REEP1: variants seen among roughly 807,000 people sequenced by gnomAD.
REEP1 encodes the protein receptor expression-enhancing protein 1.
In REEP1, 22 loss-of-function variants were observed where a neutral mutation model predicts 40.3. The ratio of observed to expected loss-of-function variants is 0.55; its 90% CI spans 0.39 to 0.78. The LOEUF (loss-of-function observed/expected upper bound fraction) is 0.78. Among genes scored for constraint, REEP1 ranks in the 30% least tolerant of loss-of-function variants. The pLI is 0.00. For synonymous variants in REEP1, 116 were observed against 139.2 expected, an observed-to-expected ratio of 0.83 and a Z score of 1.17; for missense variants, 280 against 361.1, an observed-to-expected ratio of 0.78 and a Z score of 1.82.
chr2:86,293,667 C>G (rs370153602), intron 1 of REEP1, among the ~76,000 whole-genome samples: 23 of 152,318 alleles, frequency 1.5e-4, no homozygotes, highest in African/African-American at 5.5e-4. Flanking sequence ...TCAGGTTTTT[C>G]CAGCCCCCTC....
In REEP1 at chr2:86,318,697, C is replaced by T. The variant is rs147235172; in HGVS notation, c.32+18782G>A. On this transcript the variant is annotated intron_variant, in intron 1 of 8. Coordinates refer to ENST00000538924, the MANE Select transcript of REEP1 (RefSeq NM_001371279.1). ...ACAGGCGTGAGCCACTGCACCCGGC[C>T]GAGACCAACAAGTTTGAGAACCACT... Among the ~76,000 whole-genome samples the T allele has an allele frequency of 3.4e-3, 519 of 152,194 alleles. 4 individuals are homozygous for T. Among genetic ancestry groups the T allele is most frequent in the Non-Finnish European group, 4.1e-3 (281 of 68,010 alleles).
intron 3 of REEP1, among the ~76,000 whole-genome samples, chr2:86,262,139 G>A (rs1457696354): frequency 2.0e-5 from 3 of 152,174 alleles, no homozygotes; most frequent in Admixed American, 1.3e-4. Flanking sequence ...TCCATATGCC[G>A]AACGCTGGTT....
chr2:86,332,264 C>A (rs538291111), intron 1 of REEP1, among the ~76,000 whole-genome samples: 1 of 152,124 alleles, frequency 6.6e-6, no homozygotes, highest in Non-Finnish European at 1.5e-5. Context: ...GTGCACCCCC[C>A]TCTCCTTACT....
Position 86,225,563 on chromosome 2 carries a change from G to A in REEP1, c.631+1800C>T, listed in dbSNP as rs184677821. Reference sequence around the variant, plus strand: ...TGGGATTACAGGTGTGAGCCACTGCGCCTGTCCTAATCCCCAGCTCTTCTA... The same window carrying A: ...TGGGATTACAGGTGTGAGCCACTGCACCTGTCCTAATCCCCAGCTCTTCTA... On this transcript the variant is annotated intron_variant, in intron 7 of 8. Transcript: ENST00000538924. Among the ~76,000 whole-genome samples the A allele has an allele frequency of 2.6e-3, 392 of 152,082 alleles. 1 individual carries two copies. Among genetic ancestry groups the A allele is most frequent in the Admixed American group, 3.9e-3 (59 of 15,302 alleles).
chr2:86,292,900 C>T (rs547849899), intron 1 of REEP1, among the ~76,000 whole-genome samples: 13 of 152,166 alleles, frequency 8.5e-5, no homozygotes, highest in African/African-American at 2.6e-4. Flanking sequence ...GTGCATGTGT[C>T]GGTCTGGCAG....
intron 3 of REEP1, among the ~76,000 whole-genome samples, chr2:86,261,147 A>T (rs536663698): frequency 6.6e-6 from 1 of 152,290 alleles, no homozygotes; most frequent in East Asian, 1.9e-4. Context: ...TCATGAGACT[A>T]ACACGGGAGG....
chr2:86,323,519 G>C (rs940398950), intron 1 of REEP1, among the ~76,000 whole-genome samples: 3 of 152,180 alleles, frequency 2.0e-5, no homozygotes, highest in African/African-American at 7.2e-5. Flanking sequence ...ATGGGAGCAC[G>C]AATCCTATTG....
chr2:86,229,217 C>T (rs1674880778), intron 6 of REEP1, among the ~76,000 whole-genome samples: 2 of 152,220 alleles, frequency 1.3e-5, no homozygotes, highest in East Asian at 3.8e-4. Context: ...GTCCTCTGTG[C>T]CAAGGCCAAA....
chr2:86,266,659 TA>T (rs1011209901), intron 2 of REEP1, among the ~76,000 whole-genome samples: 1,497 of 149,180 alleles, frequency 0.01, 16 homozygotes, highest in African/African-American at 0.033. Context: ...ATAAAAAAAA[TA>T]AAATAAATAA....
At chr2:86,238,530 A>T (rs1261818929) in intron 5 of REEP1, among the ~76,000 whole-genome samples, 3 of 152,222 alleles carry the variant, frequency 2.0e-5, no homozygotes, top group African/African-American at 7.2e-5. Flanking sequence ...GCATGAATGA[A>T]CGTATGACCA....
chr2:86,231,802 C>A (rs1292194959), intron 6 of REEP1, among the ~76,000 whole-genome samples: 3 of 152,192 alleles, frequency 2.0e-5, no homozygotes, highest in Admixed American at 1.3e-4. Context: ...ACTGTGTGCC[C>A]CCACCCTCCA....
At chr2:86,232,534 G>A (rs1675077842) in intron 6 of REEP1, 91 bp downstream of exon 6, 1 of 1,475,396 alleles carries the variant, frequency 6.8e-7, no homozygotes, top group Non-Finnish European at 9.3e-7. Flanking sequence ...TGGGGCCAGG[G>A]CCAGGCTGCA....
chr2:86,275,356 T>C (rs1677699895), intron 2 of REEP1, among the ~76,000 whole-genome samples: 1 of 152,232 alleles, frequency 6.6e-6, no homozygotes, highest in African/African-American at 2.4e-5. Flanking sequence ...TCTTATTTTC[T>C]ATATTCTTGA....
chr2:86,268,294 C>A (rs1394109137), intron 2 of REEP1, among the ~76,000 whole-genome samples: 1 of 152,142 alleles, frequency 6.6e-6, no homozygotes. Flanking sequence ...ATGATTAGAG[C>A]AAGGTTGCAG....
At chr2:86,323,203 C>G (rs188390373) in intron 1 of REEP1, among the ~76,000 whole-genome samples, 73 of 152,222 alleles carry the variant, frequency 4.8e-4, no homozygotes, top group African/African-American at 1.7e-3. Flanking sequence ...ACTCTGTCTC[C>G]AAAAATTAAA....
chr2:86,290,254 C>T (rs1028597225), intron 1 of REEP1, among the ~76,000 whole-genome samples: 1 of 152,070 alleles, frequency 6.6e-6, no homozygotes, highest in Admixed American at 6.6e-5. Context: ...GGGAGAAAAA[C>T]CAGATAAGTC....
At chr2:86,304,147 A>G (rs1221151678) in intron 1 of REEP1, among the ~76,000 whole-genome samples, 3 of 152,128 alleles carry the variant, frequency 2.0e-5, no homozygotes, top group African/African-American at 7.2e-5. Context: ...GATCCCCTCT[A>G]AGGAAGGTGG....
intron 1 of REEP1, among the ~76,000 whole-genome samples, chr2:86,286,513 G>A (rs535741583): frequency 6.6e-6 from 1 of 152,024 alleles, no homozygotes; most frequent in Admixed American, 6.6e-5. Flanking sequence ...GACCATCAAG[G>A]GTCATTTTTT....
rs1450424579 is a variant in REEP1, at chr2:86,254,827, A to T, written c.183-13T>A. On this transcript the variant is annotated splice_polypyrimidine_tract_variant and intron_variant, in intron 3 of 8. Transcript: ENST00000538924. ...ATAGAATGGAAACCTGGAGAGAGAG[A>T]TGAAAACACAAGTTCTGTTAGGTTC... 6 of 1,613,678 alleles carry T rather than the reference A, an allele frequency of 3.7e-6. No homozygotes were observed. The highest frequency in any genetic ancestry group is 2.2e-5 in the East Asian group (1 of 44,882).
Sources: gnomAD v4.1 joint callset for allele counts (sites outside exome capture counted in the v4.1 genomes callset) on GRCh38, gnomAD v4.1.1 for gene constraint, MANE v1.5 for transcripts, NCBI Gene and HGNC (gene_info 2026-07-23, HGNC 2026-07-21) for gene names.